BIRC6: variants seen among roughly 807,000 people sequenced by gnomAD.
The protein encoded by BIRC6 is baculoviral IAP repeat containing 6.
BIRC6 carries 98 observed loss-of-function variants against 503.3 expected under a neutral mutation model. The observed-to-expected ratio is 0.19, with a 90% CI of 0.17 to 0.23. The LOEUF (loss-of-function observed/expected upper bound fraction) is 0.23. Ranked by LOEUF, BIRC6 falls within the 10% of genes least tolerant of loss-of-function variation. The pLI is 1.00. For missense variants in BIRC6, 5,360 were observed against 5,806.0 expected (o/e 0.92, Z 2.50); for synonymous variants, 2,240 against 2,078.7 (o/e 1.08, Z -2.11).
At chr2:32,478,083 G>A (rs949159163) in intron 35 of BIRC6, among the ~76,000 whole-genome samples, 2 of 152,126 alleles carry the variant, frequency 1.3e-5, no homozygotes, top group African/African-American at 4.8e-5. Context: ...CTTCACACCT[G>A]TAATCCCAAC....
rs10528992 is a variant in BIRC6, at chr2:32,508,276, C to CTTTTTTTTTTTTTTT, written c.9980+30_9980+44dup. 1.2e-4 allele frequency: 105 copies of CTTTTTTTTTTTTTTT among 864,850 alleles called. 9 individuals are homozygous for CTTTTTTTTTTTTTTT. The African/African-American group carries it at 2.1e-3, about 17-fold the overall frequency. The allele number at this position is 864,850 out of a possible 1,614,324, so 53.6% of individuals were successfully genotyped here. A position where few individuals can be genotyped will look rare whatever the true frequency, so the allele number is the denominator to read the frequency against. On this transcript the variant is annotated intron_variant, in intron 51 of 73. Transcript: ENST00000421745. ...CAAAACAAGGTATGTTTTGTTTGTCCTTTTTTTTTTTTTTTTTTTTTTTTT... is the reference window on the plus strand; with the variant it reads ...CAAAACAAGGTATGTTTTGTTTGTCCTTTTTTTTTTTTTTTTTTTTTTTTTTTTTTTTTTTTTTTT...
At chr2:32,366,108 T>C (rs1199302510) in intron 1 of BIRC6, among the ~76,000 whole-genome samples, 1 of 152,062 alleles carries the variant, frequency 6.6e-6, no homozygotes, top group Non-Finnish European at 1.5e-5. Flanking sequence ...TGACCACAGG[T>C]GATCCACCTG....
intron 47 of BIRC6, 50 bp from the exon 48 acceptor site, chr2:32,502,745 C>G (rs183153642): frequency 7.1e-7 from 1 of 1,407,338 alleles, no homozygotes; most frequent in South Asian, 1.3e-5. Flanking sequence ...GAGTTTAGTT[C>G]TTATTCACAG....
chr2:32,407,837 G>T (rs1032166181), intron 9 of BIRC6, among the ~76,000 whole-genome samples: 1 of 151,906 alleles, frequency 6.6e-6, no homozygotes, highest in African/African-American at 2.4e-5. Context: ...TGTGTAATTC[G>T]TTCTAGAGAA....
chr2:32,598,245 G>C (rs938385695), intron 69 of BIRC6, among the ~76,000 whole-genome samples: 3 of 148,458 alleles, frequency 2.0e-5, no homozygotes, highest in African/African-American at 7.5e-5. Context: ...TGTTAGTTCA[G>C]AGTGTGTGGA....
intron 6 of BIRC6, among the ~76,000 whole-genome samples, chr2:32,396,402 G>A (rs1209007140): frequency 1.3e-5 from 2 of 152,214 alleles, no homozygotes; most frequent in African/African-American, 4.8e-5. Flanking sequence ...ATGAAAATTA[G>A]TTTGAAGTCT....
chr2:32,415,674 A>G lies in BIRC6; in HGVS notation c.2383A>G (p.Asn795Asp), dbSNP rs2042310214. 3 of 1,613,920 alleles carry G rather than the reference A, an allele frequency of 1.9e-6. No individual in the cohort carries two copies. The highest frequency in any genetic ancestry group is 2.5e-6 in the Non-Finnish European group (3 of 1,179,886). The change falls in exon 10 of 74, where the codon AAT becomes GAT. Residue 795 changes from asparagine (N) to aspartate (D), a missense_variant. This residue lies in a region of BIRC6 where 700 missense variants were observed against 739.3 expected (regional missense o/e 0.95). Transcript: ENST00000421745. ...ESNLAVVNGA[N>D]ISVIQHESPA... ...AAATCTTGCTGTAGTGAATGGTGCA[A>G]ATATTAGTGTAATCCAACATGAATC... is the stretch of plus-strand genomic sequence containing the variant.
At chr2:32,489,452 T>C (rs925155663) in intron 42 of BIRC6, among the ~76,000 whole-genome samples, 1 of 151,636 alleles carries the variant, frequency 6.6e-6, no homozygotes, top group South Asian at 2.1e-4. Context: ...ATAAAATTTG[T>C]TTTCATCTGT....
At chr2:32,512,620 G>A (rs1276391680) in intron 53 of BIRC6, among the ~76,000 whole-genome samples, 1 of 152,076 alleles carries the variant, frequency 6.6e-6, no homozygotes, top group East Asian at 1.9e-4. Context: ...TAGGGTCCAG[G>A]GATGTGAAAC....
Position 32,436,150 on chromosome 2 carries a change from A to G in BIRC6, c.3597A>G (p.Gly1199=), listed in dbSNP as rs1574190857. 6.8e-7 allele frequency: 1 copy of G among 1,469,992 alleles called. No individual in the cohort carries two copies. Among genetic ancestry groups the G allele is most frequent in the Non-Finnish European group, 9.1e-7 (1 of 1,092,928 alleles). The allele number at this position is 1,469,992 out of a possible 1,614,324, so 91.1% of individuals were successfully genotyped here. A position where few individuals can be genotyped will look rare whatever the true frequency, so the allele number is the denominator to read the frequency against. The change falls in exon 15 of 74, where the codon GGA becomes GGG. Residue 1199 remains glycine (G), a synonymous_variant. Coordinates refer to ENST00000421745, the MANE Select transcript of BIRC6 (RefSeq NM_016252.4). The part of the protein sequence containing the change: ...ASGLDLSGHA[G]MLTLTSPKLV... ...GCCTTGATCTATCAGGGCATGCTGG[A>G]ATGTTGACGTTAACAAGCCCCAAAC...
intron 65 of BIRC6, among the ~76,000 whole-genome samples, chr2:32,554,642 T>C (rs1366522331): frequency 6.6e-6 from 1 of 152,296 alleles, no homozygotes; most frequent in East Asian, 1.9e-4. Flanking sequence ...TCCCTAATAT[T>C]GGTTTGACAG....
chr2:32,377,733 G>A lies in BIRC6; in HGVS notation c.471G>A (p.Gln157=). 6.2e-7 allele frequency: 1 copy of A among 1,613,556 alleles called. No homozygotes were observed. The highest frequency in any genetic ancestry group is 8.5e-7 in the Non-Finnish European group (1 of 1,179,740). ...DTALQTPVSK[Q]DDVVQLELPV... is the part of the protein sequence containing the mutation. ...CTCTGCAAACTCCAGTTTCAAAGCA[G>A]GATGATGTGGTTCAGCTTGAATTAC... Residue 157 remains glutamine, a synonymous_variant, in exon 2 of 74, where the codon CAG becomes CAA. Transcript: ENST00000421745.
chr2:32,366,073 T>C (rs940607330), intron 1 of BIRC6, among the ~76,000 whole-genome samples: 4 of 151,828 alleles, frequency 2.6e-5, no homozygotes, highest in Non-Finnish European at 4.4e-5. Flanking sequence ...TTACTAGAGA[T>C]GGGGTCAGGC....
chr2:32,444,732 T>C (rs1277548747), intron 20 of BIRC6, among the ~76,000 whole-genome samples: 1 of 152,202 alleles, frequency 6.6e-6, no homozygotes, highest in African/African-American at 2.4e-5. Flanking sequence ...ATATATTTCA[T>C]AAAGATTTCA....
intron 59 of BIRC6, 174 bp from the exon 60 acceptor site, chr2:32,529,477 C>T: frequency 1.8e-6 from 1 of 550,078 alleles, no homozygotes; most frequent in Non-Finnish European, 3.0e-6. Context: ...TATTATATGT[C>T]AGAAATAAAC....
intron 12 of BIRC6, among the ~76,000 whole-genome samples, chr2:32,432,658 A>C (rs1389052407): frequency 2.6e-5 from 4 of 151,526 alleles, no homozygotes; most frequent in Non-Finnish European, 1.5e-5. Flanking sequence ...TACTTGGGAA[A>C]CTGAGGTGGG....
chr2:32,436,268 A>T (rs1365789228), intron 15 of BIRC6, 84 bp downstream of exon 15: 4 of 1,191,520 alleles, frequency 3.4e-6, no homozygotes, highest in Non-Finnish European at 4.3e-6. Flanking sequence ...CAAAAAAAAT[A>T]AGATTGTTTT....
intron 38 of BIRC6, among the ~76,000 whole-genome samples, chr2:32,482,067 T>A (rs1044583173): frequency 6.6e-6 from 1 of 152,186 alleles, no homozygotes; most frequent in African/African-American, 2.4e-5. Flanking sequence ...CAGACAGCCA[T>A]CTAAACTTCA....
At chr2:32,492,930 A>G (rs1255225789) in intron 44 of BIRC6, among the ~76,000 whole-genome samples, 1 of 152,022 alleles carries the variant, frequency 6.6e-6, no homozygotes, top group Non-Finnish European at 1.5e-5. Context: ...AATAATATGT[A>G]GAAGTGTTAG....
Sources: gnomAD v4.1 joint callset for allele counts (sites outside exome capture counted in the v4.1 genomes callset) on GRCh38, gnomAD v4.1.1 for gene constraint, gnomAD v4.1.1 regional missense constraint, MANE v1.5 for transcripts, NCBI Gene and HGNC (gene_info 2026-07-23, HGNC 2026-07-21) for gene names.